CFAP299: variants seen among roughly 807,000 people sequenced by gnomAD.
The protein encoded by CFAP299 is cilia and flagella associated protein 299, also known as cilia- and flagella-associated protein 299.
CFAP299 carries 21 observed loss-of-function variants against 27.0 expected under a neutral mutation model. The observed-to-expected ratio is 0.78, with a 90% confidence interval of 0.55 to 1.12. The LOEUF (loss-of-function observed/expected upper bound fraction) is 1.12. Ranked by LOEUF, CFAP299 falls within the 50% of genes most tolerant of loss-of-function variation. The probability of loss-of-function intolerance (pLI) is 0.00; values close to 1 mark genes in which losing one functional copy is unlikely to be tolerated. For synonymous variants in CFAP299, 104 were observed against 98.1 expected (o/e 1.06, Z -0.36); for missense variants, 310 against 276.6 (o/e 1.12, Z -0.86).
chr4:80,399,830 A>C (rs2110047803), intron 2 of CFAP299, among the ~76,000 whole-genome samples: 1 of 152,326 alleles, frequency 6.6e-6, no homozygotes, highest in South Asian at 2.1e-4. Flanking sequence ...CCTAGAACTT[A>C]AAGTATAATA....
intron 2 of CFAP299, among the ~76,000 whole-genome samples, chr4:80,478,195 A>C (rs2110123977): frequency 6.6e-6 from 1 of 152,260 alleles, no homozygotes; most frequent in Non-Finnish European, 1.5e-5. Context: ...AACTTTTAAA[A>C]CGTATCCAGT....
intron 4 of CFAP299, among the ~76,000 whole-genome samples, chr4:80,893,837 C>T (rs1026793744): frequency 6.6e-6 from 1 of 151,816 alleles, no homozygotes; most frequent in Admixed American, 6.6e-5. Flanking sequence ...CCAGCAAGCA[C>T]AGGCAACAAA....
intron 3 of CFAP299, among the ~76,000 whole-genome samples, chr4:80,625,096 C>G (rs979949031): frequency 1.3e-5 from 2 of 152,106 alleles, no homozygotes; most frequent in Admixed American, 1.3e-4. Context: ...TCAAAACACT[C>G]TGATACTGAA....
chr4:80,805,978 A>G lies in CFAP299; in HGVS notation c.334-64015A>G, dbSNP rs866833149. On this transcript the variant is annotated intron_variant, in intron 3 of 5. Transcript: ENST00000358105. The stretch of plus-strand genomic sequence containing the variant: ...CAAGGATTTCATAATATACTATGGC[A>G]GGATTATAGGAATTAATAACATGTA... Among the ~76,000 whole-genome samples, 70 of 152,312 alleles carry G rather than the reference A, an allele frequency of 4.6e-4. No individual in the cohort carries two copies. In the Middle Eastern group the frequency reaches 0.014, roughly 30 times the overall value.
intron 3 of CFAP299, among the ~76,000 whole-genome samples, chr4:80,738,492 T>C (rs967295305): frequency 2.0e-5 from 3 of 152,106 alleles, no homozygotes; most frequent in African/African-American, 7.2e-5. Context: ...TGACCTTCTT[T>C]GTCTCCTCTT....
chr4:80,323,636 T>C, the CFAP299 span, among the ~76,000 whole-genome samples: 1 of 152,206 alleles, frequency 6.6e-6, no homozygotes, highest in Admixed American at 6.5e-5. Flanking sequence ...AACAAATTAG[T>C]TATGTAATCA....
At chr4:80,603,413 T>C (rs1316757741) in intron 3 of CFAP299, among the ~76,000 whole-genome samples, 1 of 152,164 alleles carries the variant, frequency 6.6e-6, no homozygotes, top group African/African-American at 2.4e-5. Context: ...TATGTACATA[T>C]ATGCCTACAC....
intron 4 of CFAP299, among the ~76,000 whole-genome samples, chr4:80,940,035 A>G (rs966028646): frequency 1.3e-5 from 2 of 152,242 alleles, no homozygotes; most frequent in Admixed American, 1.3e-4. Context: ...GCTGATCTAC[A>G]TGCACTCTCT....
At chr4:80,671,181 A>G (rs1012567889) in intron 3 of CFAP299, among the ~76,000 whole-genome samples, 1 of 152,062 alleles carries the variant, frequency 6.6e-6, no homozygotes, top group Non-Finnish European at 1.5e-5. Context: ...GTGTAAGGAA[A>G]GGATCCAGTT....
chr4:80,670,523 C>A (rs1008381514), intron 3 of CFAP299, among the ~76,000 whole-genome samples: 2 of 152,126 alleles, frequency 1.3e-5, no homozygotes, highest in African/African-American at 4.8e-5. Flanking sequence ...ATGGTTGGGT[C>A]AAATGGTATT....
In CFAP299 at chr4:80,699,873, T is replaced by A. The variant is rs568013936; in HGVS notation, c.333+116690T>A. ...AATGGCTGTATCATTCAGCTTAAGT[T>A]TCTATTGTGAATATCGTTGAAGCAG... is the stretch of plus-strand genomic sequence containing the variant. On this transcript the variant is annotated intron_variant, in intron 3 of 5. Coordinates refer to ENST00000358105, the MANE Select transcript of CFAP299 (RefSeq NM_152770.3). 4.6e-5 allele frequency among the ~76,000 whole-genome samples: 7 copies of A among 152,278 alleles called. No homozygotes were observed. In the South Asian group the frequency reaches 1.5e-3, roughly 32 times the overall value.
chr4:80,512,374 G>A (rs1299199340), intron 2 of CFAP299, among the ~76,000 whole-genome samples: 2 of 152,058 alleles, frequency 1.3e-5, no homozygotes, highest in South Asian at 2.1e-4. Context: ...AGAGTGTCTT[G>A]TAAAAGAAAA....
chr4:80,479,486 C>T (rs1319957322), intron 2 of CFAP299, among the ~76,000 whole-genome samples: 1 of 151,830 alleles, frequency 6.6e-6, no homozygotes, highest in Admixed American at 6.6e-5. Flanking sequence ...ATACAAAAAG[C>T]AGGTAAAACA....
intron 3 of CFAP299, among the ~76,000 whole-genome samples, chr4:80,824,589 G>T (rs1240169131): frequency 6.6e-6 from 1 of 152,078 alleles, no homozygotes; most frequent in Non-Finnish European, 1.5e-5. Flanking sequence ...AGACATTAGA[G>T]ACCAGGATAT....
intron 2 of CFAP299, among the ~76,000 whole-genome samples, chr4:80,414,664 C>T (rs571606761): frequency 6.4e-4 from 97 of 152,268 alleles, no homozygotes; most frequent in African/African-American, 2.2e-3. Flanking sequence ...GCTGCTACGG[C>T]TAAAGTATTG....
chr4:80,324,288 T>G, the CFAP299 span, among the ~76,000 whole-genome samples: 2 of 152,334 alleles, frequency 1.3e-5, no homozygotes, highest in East Asian at 3.9e-4. Flanking sequence ...CTGGGAAACA[T>G]TATGAAAGAA....
At chr4:80,595,380 C>A (rs1049549277) in intron 3 of CFAP299, among the ~76,000 whole-genome samples, 1 of 152,144 alleles carries the variant, frequency 6.6e-6, no homozygotes, top group African/African-American at 2.4e-5. Flanking sequence ...TTAGTGTTTA[C>A]ATTTAGATGT....
chr4:80,572,385 T>TTAGGTTC (rs1735624075), intron 2 of CFAP299, among the ~76,000 whole-genome samples: 1 of 152,016 alleles, frequency 6.6e-6, no homozygotes, highest in African/African-American at 2.4e-5. Context: ...TTCAATTGTT[T>TTAGGTTC]TAGCTTCTAG....
At chr4:80,839,177 T>G (rs1316204810) in intron 3 of CFAP299, among the ~76,000 whole-genome samples, 1 of 152,180 alleles carries the variant, frequency 6.6e-6, no homozygotes, top group African/African-American at 2.4e-5. Context: ...TCATATTCCT[T>G]TCTTACTTAT....
Sources: gnomAD v4.1 joint callset for allele counts (sites outside exome capture counted in the v4.1 genomes callset) on GRCh38, gnomAD v4.1.1 for gene constraint, MANE v1.5 for transcripts, NCBI Gene and HGNC (gene_info 2026-07-23, HGNC 2026-07-21) for gene names.